The following RARB variants were observed in gnomAD, a reference collection of about 807,000 sequenced individuals.
The protein encoded by RARB is HBV-activated protein.
RARB carries 17 observed loss-of-function variants against 51.9 expected under a neutral mutation model. That is an observed-to-expected ratio of 0.33 (90% confidence interval 0.22 to 0.49). The LOEUF (loss-of-function observed/expected upper bound fraction) is 0.49. Ranked by LOEUF, RARB falls within the 20% of genes least tolerant of loss-of-function variation. The pLI, the probability that RARB is intolerant of heterozygous loss-of-function variation, is 0.99. For missense variants in RARB, 369 were observed against 550.8 expected, an observed-to-expected ratio of 0.67 and a Z score of 3.30; for synonymous variants, 215 against 195.4, an observed-to-expected ratio of 1.10 and a Z score of -0.84.
intron 1 of RARB, among the ~76,000 whole-genome samples, chr3:24,846,022 G>A (rs140010008): frequency 3.3e-5 from 5 of 152,328 alleles, no homozygotes; most frequent in Non-Finnish European, 7.3e-5. Context: ...GAGCTGAGAT[G>A]CATGCAGGTT....
At chr3:25,232,130 G>A (rs1393178263) in intron 5 of RARB, among the ~76,000 whole-genome samples, 1 of 152,056 alleles carries the variant, frequency 6.6e-6, no homozygotes, top group Non-Finnish European at 1.5e-5. Flanking sequence ...AACAGCCTTT[G>A]CACTTTTGTA....
chr3:25,340,086 C>T (rs1241124717), intron 5 of RARB, among the ~76,000 whole-genome samples: 1 of 152,080 alleles, frequency 6.6e-6, no homozygotes, highest in East Asian at 1.9e-4. Flanking sequence ...CGAAGGAGAA[C>T]ACGTGGGATG....
At chr3:25,412,949 G>A (rs1707604314) in intron 5 of RARB, among the ~76,000 whole-genome samples, 2 of 152,058 alleles carry the variant, frequency 1.3e-5, no homozygotes, top group Admixed American at 6.6e-5. Context: ...AACCCGGGAG[G>A]CGGAGGTTGT....
At chr3:25,371,049 T>C (rs1437283673) in intron 5 of RARB, among the ~76,000 whole-genome samples, 1 of 152,168 alleles carries the variant, frequency 6.6e-6, no homozygotes, top group Non-Finnish European at 1.5e-5. Context: ...TAGGGCCCCC[T>C]TGGATTATCC....
intron 5 of RARB, among the ~76,000 whole-genome samples, chr3:25,299,439 A>G (rs1482117816): frequency 6.6e-6 from 1 of 152,040 alleles, no homozygotes; most frequent in East Asian, 1.9e-4. Context: ...CACTCAAGCA[A>G]TCCTCCCACC....
intron 2 of RARB, among the ~76,000 whole-genome samples, chr3:24,876,819 G>A (rs1402127434): frequency 6.6e-6 from 1 of 152,094 alleles, no homozygotes; most frequent in East Asian, 1.9e-4. Flanking sequence ...GAAAAACAGA[G>A]TTTAGATAGT....
chr3:25,318,045 T>A (rs1280190935), intron 5 of RARB, among the ~76,000 whole-genome samples: 1 of 152,200 alleles, frequency 6.6e-6, no homozygotes, highest in Non-Finnish European at 1.5e-5. Flanking sequence ...AGAAAAAGTT[T>A]CAACTGAGCA....
chr3:25,185,102 G>A (rs1700946679), intron 5 of RARB, among the ~76,000 whole-genome samples: 1 of 151,956 alleles, frequency 6.6e-6, no homozygotes, highest in African/African-American at 2.4e-5. Context: ...GTTTACATTA[G>A]GCATATGGAA....
At chr3:25,565,988 C>G (rs1283375457) in intron 3 of RARB, among the ~76,000 whole-genome samples, 9 of 152,316 alleles carry the variant, frequency 5.9e-5, no homozygotes, top group Admixed American at 4.6e-4. Context: ...GCCCTTGCCT[C>G]CCACTGCTGG....
At chr3:25,020,581 G>C (rs1697614329) in intron 2 of RARB, 1 of 151,904 alleles carries the variant, frequency 6.6e-6, no homozygotes, top group African/African-American at 2.4e-5. Flanking sequence ...AATACCTATG[G>C]TGGTCACATG....
chr3:25,071,289 G>A (rs954464312), intron 3 of RARB, among the ~76,000 whole-genome samples: 1 of 152,180 alleles, frequency 6.6e-6, no homozygotes, highest in Non-Finnish European at 1.5e-5. Flanking sequence ...AAGACAGGGT[G>A]CTAGCTGATT....
chr3:25,168,013 C>G (rs1700586261), intron 4 of RARB, among the ~76,000 whole-genome samples: 2 of 152,184 alleles, frequency 1.3e-5, no homozygotes, highest in African/African-American at 4.8e-5. Context: ...ATGAAATTCA[C>G]TCATTTGACA....
chr3:25,401,870 G>A (rs7616561), intron 5 of RARB, among the ~76,000 whole-genome samples: 98,557 of 151,628 alleles, frequency 0.65, 32,232 homozygotes, highest in East Asian at 0.83. Context: ...TCTGCCTCCC[G>A]GGTTCAAGTG....
In RARB at chr3:25,283,510, A is replaced by G. The variant is rs1703575132; in HGVS notation, c.178+108935A>G. On this transcript the variant is annotated intron_variant, in intron 5 of 11. Transcript: ENST00000383772. ...CATCAATCTGACAGGAGGCCACGTA[A>G]TTGCTGAAATTAAAACATAATACCT... Among the ~76,000 whole-genome samples the G allele has an allele frequency of 2.0e-5, 3 of 152,212 alleles. No homozygotes were observed. The South Asian group carries it at 6.2e-4, about 31-fold the overall frequency.
At chr3:25,383,242 A>T (rs1706683082) in intron 5 of RARB, among the ~76,000 whole-genome samples, 1 of 152,190 alleles carries the variant, frequency 6.6e-6, no homozygotes, top group Admixed American at 6.5e-5. Flanking sequence ...GTGAGAACCC[A>T]TGTCCTCTGA....
intron 2 of RARB, among the ~76,000 whole-genome samples, chr3:25,463,233 C>T (rs539451419): frequency 1.2e-4 from 19 of 152,026 alleles, no homozygotes; most frequent in East Asian, 3.9e-4. Context: ...ATGGAGGGGC[C>T]GGGGGAATGG....
At chr3:24,917,609 C>T (rs1400950914) in intron 2 of RARB, among the ~76,000 whole-genome samples, 2 of 151,156 alleles carry the variant, frequency 1.3e-5, no homozygotes, top group African/African-American at 4.8e-5. Flanking sequence ...CTGCTCACTG[C>T]AACCTCTGCC....
intron 2 of RARB, among the ~76,000 whole-genome samples, chr3:24,923,745 C>G (rs916357093): frequency 3.3e-5 from 5 of 152,078 alleles, no homozygotes; most frequent in Non-Finnish European, 4.4e-5. Context: ...ATAAACGGGC[C>G]TGAGCAAACC....
rs1707175944 is a variant in RARB at position 25,398,431 on chromosome 3, C to A, written c.179-62762C>A. Among the ~76,000 whole-genome samples, 5 of 152,174 alleles carry A rather than the reference C, an allele frequency of 3.3e-5. No individual in the cohort carries two copies. The South Asian group carries it at 1.0e-3, about 32-fold the overall frequency. ...CAGCTTTCACAAAGATAGACGGTAT[C>A]ACTAAGACAAAACAAGAAAAGATGT... is the stretch of plus-strand genomic sequence containing the variant. On this transcript the variant is annotated intron_variant, in intron 5 of 11. Coordinates refer to the RARB transcript ENST00000383772.
Sources: gnomAD v4.1 joint callset for allele counts (sites outside exome capture counted in the v4.1 genomes callset) on GRCh38, gnomAD v4.1.1 for gene constraint, MANE v1.5 for transcripts, NCBI Gene and HGNC (gene_info 2026-07-23, HGNC 2026-07-21) for gene names.